Variants in GRK5 observed in about 807,000 individuals in gnomAD.
The protein encoded by GRK5 is G protein-coupled receptor kinase 5, also known as g protein-coupled receptor kinase GRK5.
GRK5 carries 40 observed loss-of-function variants against 78.4 expected under a neutral mutation model. The ratio of observed to expected loss-of-function variants is 0.51; its 90% confidence interval spans 0.40 to 0.66. The LOEUF (loss-of-function observed/expected upper bound fraction) is 0.66. Ranked by LOEUF, GRK5 falls within the 30% of genes least tolerant of loss-of-function variation. The pLI is 0.00. For synonymous variants in GRK5, 289 were observed against 296.8 expected (o/e 0.97, Z 0.27); for missense variants, 598 against 759.9 (o/e 0.79, Z 2.50).
At chr10:119,313,613 T>C (rs2133744861) in intron 1 of GRK5, among the ~76,000 whole-genome samples, 1 of 152,194 alleles carries the variant, frequency 6.6e-6, no homozygotes, top group South Asian at 2.1e-4. Flanking sequence ...TGTGTCCTGG[T>C]GAACAGTGCA....
intron 4 of GRK5, among the ~76,000 whole-genome samples, chr10:119,405,794 G>A (rs1264361982): frequency 6.6e-6 from 1 of 152,162 alleles, no homozygotes; most frequent in African/African-American, 2.4e-5. Flanking sequence ...TCATTCTCTA[G>A]CACTTGCGTG....
At chr10:119,425,298 AAC>A (rs910566400) in intron 6 of GRK5, among the ~76,000 whole-genome samples, 13 of 88,154 alleles carry the variant, frequency 1.5e-4, no homozygotes, top group African/African-American at 6.0e-4. Context: ...CACACACACA[AAC>A]ACACATTCAC....
chr10:119,285,009 C>T (rs942403674), intron 1 of GRK5, among the ~76,000 whole-genome samples: 15 of 152,168 alleles, frequency 9.9e-5, no homozygotes, highest in Admixed American at 6.5e-5. Flanking sequence ...GCAACACTCC[C>T]GGAGCCCAGA....
chr10:119,318,316 G>A lies in GRK5; in HGVS notation c.53-8200G>A, dbSNP rs910207556. On this transcript the variant is annotated intron_variant, in intron 1 of 15. Coordinates refer to ENST00000392870, the MANE Select transcript of GRK5 (RefSeq NM_005308.3). ...AAACGGGTTCAATACTAGGACCTAC[G>A]TCACGGGGGTGATGTGAGGATTGAA... Among the ~76,000 whole-genome samples, 8 of 152,308 alleles carry A rather than the reference G, an allele frequency of 5.3e-5. No homozygotes were observed. The South Asian group carries it at 1.2e-3, about 24-fold the overall frequency.
intron 1 of GRK5, among the ~76,000 whole-genome samples, chr10:119,313,614 G>A (rs1850434718): frequency 6.6e-6 from 1 of 152,104 alleles, no homozygotes. Flanking sequence ...GTGTCCTGGT[G>A]AACAGTGCAG....
chr10:119,410,550 C>T (rs1852319518), intron 4 of GRK5, among the ~76,000 whole-genome samples: 1 of 152,146 alleles, frequency 6.6e-6, no homozygotes, highest in Non-Finnish European at 1.5e-5. Context: ...CTGGAACCAC[C>T]CCCGACGCTT....
chr10:119,437,599 A>G (rs1435546481), intron 9 of GRK5, among the ~76,000 whole-genome samples: 1 of 152,182 alleles, frequency 6.6e-6, no homozygotes, highest in Non-Finnish European at 1.5e-5. Context: ...TTCCACCTGC[A>G]TTTATCCAAA....
At chr10:119,335,227 C>A (rs147671315) in intron 2 of GRK5, among the ~76,000 whole-genome samples, 1 of 138,084 alleles carries the variant, frequency 7.2e-6, no homozygotes, top group African/African-American at 2.7e-5. Flanking sequence ...TCCTTTCCTT[C>A]TTTATCTTTC....
intron 1 of GRK5, among the ~76,000 whole-genome samples, chr10:119,295,769 A>C (rs1007436366): frequency 6.6e-6 from 1 of 152,028 alleles, no homozygotes; most frequent in East Asian, 1.9e-4. Flanking sequence ...ACACGAAGGC[A>C]TAAGAATGAT....
intron 6 of GRK5, among the ~76,000 whole-genome samples, chr10:119,427,914 G>A (rs1391849126): frequency 2.2e-5 from 3 of 136,434 alleles, no homozygotes; most frequent in South Asian, 2.3e-4. Flanking sequence ...CATCGCCACC[G>A]TCAGCATCAC....
At chr10:119,224,666 G>A (rs1310745495) in intron 1 of GRK5, among the ~76,000 whole-genome samples, 2 of 152,050 alleles carry the variant, frequency 1.3e-5, no homozygotes, top group Non-Finnish European at 2.9e-5. Flanking sequence ...CAACTGCCTT[G>A]GCCTTACAAA....
intron 12 of GRK5, among the ~76,000 whole-genome samples, chr10:119,446,098 G>C (rs1198778390): frequency 1.3e-5 from 2 of 151,842 alleles, no homozygotes; most frequent in East Asian, 3.9e-4. Context: ...TGTCCTTCCA[G>C]CCCATCTGTA....
At chr10:119,450,431 C>A (rs1853251546) in intron 13 of GRK5, among the ~76,000 whole-genome samples, 1 of 152,194 alleles carries the variant, frequency 6.6e-6, no homozygotes, top group Non-Finnish European at 1.5e-5. Context: ...CAGCAAAACC[C>A]CTTAAATAGA....
chr10:119,220,824 CAA>C (rs546082321), intron 1 of GRK5, among the ~76,000 whole-genome samples: 1 of 127,110 alleles, frequency 7.9e-6, no homozygotes, highest in Non-Finnish European at 1.6e-5. Flanking sequence ...GACAGAGGCT[CAA>C]AAAAAAAAAA....
intron 8 of GRK5, among the ~76,000 whole-genome samples, chr10:119,432,336 T>G (rs1156550159): frequency 6.6e-6 from 1 of 152,078 alleles, no homozygotes; most frequent in Non-Finnish European, 1.5e-5. Flanking sequence ...TAGTCCCAGC[T>G]ACTCAGAAGG....
Position 119,214,992 on chromosome 10 carries a change from A to G in GRK5, c.52+7023A>G, listed in dbSNP as rs149688434. On this transcript the variant is annotated intron_variant, in intron 1 of 15. Coordinates refer to ENST00000392870, the MANE Select transcript of GRK5 (RefSeq NM_005308.3). ...AGGCCTGGGCGGGTAGACGGGCTGC[A>G]GTTCTGGAGTGAAGACGGTGGAGGC... Among the ~76,000 whole-genome samples the G allele has an allele frequency of 7.6e-3, 1,163 of 152,338 alleles. 16 individuals are homozygous for G. Among genetic ancestry groups the G allele is most frequent in the African/African-American group, 0.027 (1,127 of 41,576 alleles).
intron 1 of GRK5, among the ~76,000 whole-genome samples, chr10:119,321,752 A>C (rs1850589554): frequency 6.6e-6 from 1 of 152,098 alleles, no homozygotes; most frequent in South Asian, 2.1e-4. Flanking sequence ...CCCCTGCCCT[A>C]TTCTGGAAGC....
At chr10:119,401,618 T>A (rs892466847) in intron 4 of GRK5, among the ~76,000 whole-genome samples, 1 of 152,122 alleles carries the variant, frequency 6.6e-6, no homozygotes, top group Non-Finnish European at 1.5e-5. Flanking sequence ...ATGATGAGGA[T>A]CATAAATAAA....
intron 2 of GRK5, among the ~76,000 whole-genome samples, chr10:119,375,723 C>T (rs926833618): frequency 1.4e-4 from 21 of 152,218 alleles, no homozygotes; most frequent in African/African-American, 3.9e-4. Context: ...GTGGCAATCC[C>T]GCCTTCCCAG....
Sources: gnomAD v4.1 joint callset for allele counts (sites outside exome capture counted in the v4.1 genomes callset) on GRCh38, gnomAD v4.1.1 for gene constraint, MANE v1.5 for transcripts, NCBI Gene and HGNC (gene_info 2026-07-23, HGNC 2026-07-21) for gene names.